NDST3: variants seen among roughly 807,000 people sequenced by gnomAD.
The protein encoded by NDST3 is N-deacetylase and N-sulfotransferase 3.
A neutral mutation model predicts 96.1 loss-of-function variants in NDST3; 58 were observed. That is an observed-to-expected ratio of 0.60 (90% CI 0.49 to 0.75). NDST3 has a LOEUF of 0.75. Ranked by LOEUF, NDST3 falls within the 30% of genes least tolerant of loss-of-function variation. The probability of loss-of-function intolerance (pLI) is 0.00; values close to 1 mark genes in which losing one functional copy is unlikely to be tolerated. For missense variants in NDST3, 788 were observed against 1,034.2 expected (o/e 0.76, Z 3.27); for synonymous variants, 333 against 359.7 (o/e 0.93, Z 0.84).
intron 1 of NDST3, among the ~76,000 whole-genome samples, chr4:118,045,053 C>T (rs761309475): frequency 3.3e-5 from 5 of 152,144 alleles, no homozygotes; most frequent in Non-Finnish European, 7.4e-5. Context: ...TTCACAACCT[C>T]TGTACTCTCA....
intron 6 of NDST3, chr4:118,194,716 C>T: frequency 1.8e-6 from 1 of 545,418 alleles, no homozygotes. Context: ...CCAACTGTGT[C>T]CCATTCTCAG....
Position 118,211,256 on chromosome 4 carries a change from G to A in NDST3, c.1540-13235G>A, listed in dbSNP as rs28669076. Reference sequence around the variant, plus strand: ...AGATTAGGGAGGCCATTCTGCAAGGGAAAACTACCCATACTGAACAAATTT... The same window carrying A: ...AGATTAGGGAGGCCATTCTGCAAGGAAAAACTACCCATACTGAACAAATTT... On this transcript the variant is annotated intron_variant, in intron 6 of 13. Transcript: ENST00000296499. 6.4e-3 allele frequency among the ~76,000 whole-genome samples: 968 copies of A among 152,164 alleles called. 12 individuals are homozygous for A. Among genetic ancestry groups the A allele is most frequent in the African/African-American group, 0.022 (893 of 41,516 alleles).
At chr4:118,196,263 C>A (rs113294296) in intron 6 of NDST3, among the ~76,000 whole-genome samples, 1 of 152,156 alleles carries the variant, frequency 6.6e-6, no homozygotes, top group African/African-American at 2.4e-5. Context: ...CTTGTTGAGG[C>A]CTTTTGCATC....
At chr4:118,073,800 G>T (rs1727277178) in intron 2 of NDST3, among the ~76,000 whole-genome samples, 1 of 151,578 alleles carries the variant, frequency 6.6e-6, no homozygotes, top group Non-Finnish European at 1.5e-5. Context: ...TTTTGCAGTT[G>T]GTTTGCTATT....
At chr4:118,162,568 T>A (rs1735240198) in intron 6 of NDST3, among the ~76,000 whole-genome samples, 1 of 151,274 alleles carries the variant, frequency 6.6e-6, no homozygotes, top group African/African-American at 2.4e-5. Context: ...TGAAACTGGA[T>A]CCCTTCCTTA....
At chr4:118,055,147 A>G in intron 2 of NDST3, 1 of 491,682 alleles carries the variant, frequency 2.0e-6, no homozygotes, top group Non-Finnish European at 3.6e-6. Flanking sequence ...ATTTACAACT[A>G]GAGTAGAAGT....
chr4:118,036,359 A>C (rs769450391), intron 1 of NDST3, among the ~76,000 whole-genome samples: 12 of 152,168 alleles, frequency 7.9e-5, no homozygotes, highest in Non-Finnish European at 1.6e-4. Context: ...TACACTATAA[A>C]ATCAGGGAAA....
At chr4:118,077,771 G>A (rs1374758120) in intron 2 of NDST3, among the ~76,000 whole-genome samples, 3 of 152,230 alleles carry the variant, frequency 2.0e-5, no homozygotes, top group African/African-American at 7.2e-5. Flanking sequence ...ATGAGCAGCA[G>A]GAGTGGGTGG....
intron 6 of NDST3, among the ~76,000 whole-genome samples, chr4:118,206,726 G>A (rs2125983935): frequency 6.9e-6 from 1 of 143,966 alleles, no homozygotes; most frequent in Admixed American, 6.9e-5. Context: ...TTATTAGAGT[G>A]GTTCAAGCAA....
At chr4:118,180,593 G>T (rs149386444) in intron 6 of NDST3, among the ~76,000 whole-genome samples, 123 of 152,224 alleles carry the variant, frequency 8.1e-4, no homozygotes, top group African/African-American at 2.7e-3. Context: ...GGTTAGATAG[G>T]TGACTTTTCA....
chr4:118,186,198 C>T (rs1349214699), intron 6 of NDST3, among the ~76,000 whole-genome samples: 1 of 152,102 alleles, frequency 6.6e-6, no homozygotes, highest in Non-Finnish European at 1.5e-5. Flanking sequence ...ATGAGTGACT[C>T]CATTTTAGTT....
At chr4:118,219,914 C>A (rs1360688552) in intron 6 of NDST3, among the ~76,000 whole-genome samples, 1 of 152,070 alleles carries the variant, frequency 6.6e-6, no homozygotes. Context: ...CAAAAAAAAG[C>A]TCAACATCAC....
chr4:118,049,375 A>T (rs953627066), intron 1 of NDST3, among the ~76,000 whole-genome samples: 5 of 152,046 alleles, frequency 3.3e-5, no homozygotes, highest in Admixed American at 3.3e-4. Context: ...ACTAATATTA[A>T]AGAAGAATTA....
intron 6 of NDST3, among the ~76,000 whole-genome samples, chr4:118,219,842 A>C (rs1739422059): frequency 1.3e-5 from 2 of 152,084 alleles, no homozygotes; most frequent in Admixed American, 1.3e-4. Context: ...TCATCAAAAA[A>C]TTGGCAAAGG....
In NDST3 at chr4:118,149,269, T is replaced by C. The variant is rs1461592951; in HGVS notation, c.1539+5585T>C. ...TTTTGGTTCCATATGAACTTTAAAG[T>C]AGTTTTTTCCAATTCTGTGAAGAAA... On this transcript the variant is annotated intron_variant, in intron 6 of 13. Transcript: ENST00000296499. Among the ~76,000 whole-genome samples the C allele has an allele frequency of 4.0e-5, 6 of 151,704 alleles. 1 individual carries two copies. Among genetic ancestry groups the C allele is most frequent in the Admixed American group, 2.0e-4 (3 of 15,204 alleles).
intron 6 of NDST3, among the ~76,000 whole-genome samples, chr4:118,173,384 T>A (rs1000221694): frequency 6.6e-6 from 1 of 152,108 alleles, no homozygotes; most frequent in Non-Finnish European, 1.5e-5. Context: ...TTAGATAGCC[T>A]CATTTTTAAA....
chr4:118,222,379 T>C (rs1384641638), intron 6 of NDST3, among the ~76,000 whole-genome samples: 5 of 151,798 alleles, frequency 3.3e-5, no homozygotes, highest in Admixed American at 2.0e-4. Context: ...TCCATGTCTA[T>C]AGAAAATATT....
At chr4:118,095,359 A>G (rs556804593) in intron 2 of NDST3, among the ~76,000 whole-genome samples, 1 of 151,958 alleles carries the variant, frequency 6.6e-6, no homozygotes, top group South Asian at 2.1e-4. Flanking sequence ...ATTTTTGAAC[A>G]TCAGTTGTCA....
chr4:118,123,552 A>AT (rs999014865), intron 4 of NDST3, among the ~76,000 whole-genome samples: 16 of 151,964 alleles, frequency 1.1e-4, no homozygotes, highest in Non-Finnish European at 1.6e-4. Flanking sequence ...TCATACATTC[A>AT]TTTTTTTTAC....
Sources: gnomAD v4.1 joint callset for allele counts (sites outside exome capture counted in the v4.1 genomes callset) on GRCh38, gnomAD v4.1.1 for gene constraint, MANE v1.5 for transcripts, NCBI Gene and HGNC (gene_info 2026-07-23, HGNC 2026-07-21) for gene names.